Variants in RFC3 observed in about 807,000 individuals in gnomAD.
RFC3 encodes A1 38 kDa subunit.
Under a neutral mutation model 45.1 loss-of-function variants are expected in RFC3, and 41 were observed. The observed-to-expected ratio is 0.91, with a 90% CI of 0.71 to 1.18. The LOEUF (loss-of-function observed/expected upper bound fraction) is 1.18, where lower values mean the gene tolerates loss of function less well. Among genes scored for constraint, RFC3 ranks in the 50% most tolerant of loss-of-function variants. The pLI, the probability that RFC3 is intolerant of heterozygous loss-of-function variation, is 0.00. For synonymous variants in RFC3, 149 were observed against 144.0 expected (o/e 1.03, Z -0.25); for missense variants, 423 against 428.1 (o/e 0.99, Z 0.10).
chr13:33,830,059 A>T, intron 5 of RFC3, 42 bp downstream of exon 5: 2 of 1,528,578 alleles, frequency 1.3e-6, no homozygotes, highest in South Asian at 2.3e-5. Context: ...ATCAGTTCAG[A>T]TTCTCTGAAT....
intron 8 of RFC3, among the ~76,000 whole-genome samples, chr13:33,924,993 A>G (rs2082794439): frequency 6.7e-6 from 1 of 150,188 alleles, no homozygotes; most frequent in East Asian, 2.0e-4. Flanking sequence ...AAATGTGTTA[A>G]CTAACTTAAT....
the RFC3 span, among the ~76,000 whole-genome samples, chr13:33,972,360 G>A: frequency 6.6e-6 from 1 of 152,024 alleles, no homozygotes. Context: ...GCCCTGGGTT[G>A]GTGCTGAAAT....
intron 5 of RFC3, 94 bp downstream of exon 5, chr13:33,830,111 T>C: frequency 8.9e-7 from 1 of 1,123,866 alleles, no homozygotes; most frequent in East Asian, 2.4e-5. Context: ...TATCAGTAAT[T>C]TAAGAACACC....
intron 5 of RFC3, among the ~76,000 whole-genome samples, 185 bp downstream of exon 5, chr13:33,830,202 G>T (rs2082089302): frequency 6.6e-6 from 1 of 152,288 alleles, no homozygotes; most frequent in African/African-American, 2.4e-5. Flanking sequence ...TATATAGAAA[G>T]TGTTTTTCCC....
chr13:33,834,163 T>C (rs1354699552), intron 7 of RFC3, among the ~76,000 whole-genome samples: 1 of 150,576 alleles, frequency 6.6e-6, no homozygotes, highest in East Asian at 2.0e-4. Context: ...TCTTTTTTTT[T>C]TTCCCCCACT....
intron 8 of RFC3, among the ~76,000 whole-genome samples, chr13:33,902,237 C>T (rs2082646061): frequency 6.6e-6 from 1 of 152,062 alleles, no homozygotes; most frequent in African/African-American, 2.4e-5. Flanking sequence ...AAGCATAACG[C>T]TGACCCTATC....
At chr13:33,899,699 A>G (rs1196667491) in intron 8 of RFC3, among the ~76,000 whole-genome samples, 1 of 151,934 alleles carries the variant, frequency 6.6e-6, no homozygotes, top group Non-Finnish European at 1.5e-5. Context: ...GACAAGAGAA[A>G]AAAATAAAGA....
the RFC3 span, among the ~76,000 whole-genome samples, chr13:33,972,334 A>G: frequency 1.3e-5 from 2 of 152,058 alleles, no homozygotes; most frequent in East Asian, 1.9e-4. Flanking sequence ...CTCTGGGCCC[A>G]CAACCTCCAC....
rs114969957 is a variant in RFC3 at position 33,873,142 on chromosome 13, C to G, written c.879+37925C>G. 5.1e-3 allele frequency among the ~76,000 whole-genome samples: 773 copies of G among 152,274 alleles called. 6 individuals are homozygous for G. Among genetic ancestry groups the G allele is most frequent in the African/African-American group, 0.017 (687 of 41,546 alleles). The stretch of plus-strand genomic sequence containing the variant: ...CAATCCAATGTCTCAGTGACCAACT[C>G]TACACCTCCAGGCTTATATACAATG... On this transcript the variant is annotated intron_variant, in intron 8 of 8. Coordinates refer to the RFC3 transcript ENST00000434425.
chr13:33,905,034 G>T (rs1243187350), intron 8 of RFC3, among the ~76,000 whole-genome samples: 1 of 152,092 alleles, frequency 6.6e-6, no homozygotes, highest in Non-Finnish European at 1.5e-5. Flanking sequence ...GACCAGAGAG[G>T]GATATATCAG....
intron 8 of RFC3, among the ~76,000 whole-genome samples, chr13:33,876,122 T>C (rs1316756141): frequency 6.6e-6 from 1 of 152,088 alleles, no homozygotes; most frequent in Non-Finnish European, 1.5e-5. Flanking sequence ...TATTTTATTG[T>C]ATTATTTCAG....
At chr13:33,891,815 A>G (rs2082565081) in intron 8 of RFC3, among the ~76,000 whole-genome samples, 1 of 152,200 alleles carries the variant, frequency 6.6e-6, no homozygotes, top group Non-Finnish European at 1.5e-5. Flanking sequence ...TCAAGAATAT[A>G]TATATATTTG....
chr13:33,942,372 C>T (rs916054371), intron 8 of RFC3, among the ~76,000 whole-genome samples: 1 of 152,054 alleles, frequency 6.6e-6, no homozygotes, highest in African/African-American at 2.4e-5. Context: ...TTACGGGGTA[C>T]ATGCGATGCT....
At chr13:33,879,804 AC>A (rs2137592224) in intron 8 of RFC3, among the ~76,000 whole-genome samples, 1 of 152,302 alleles carries the variant, frequency 6.6e-6, no homozygotes, top group African/African-American at 2.4e-5. Flanking sequence ...TTGAGCTAAA[AC>A]CAAGGTGTTG....
chr13:33,924,727 GTA>G (rs36101784), intron 8 of RFC3, among the ~76,000 whole-genome samples: 1,618 of 89,088 alleles, frequency 0.018, 20 homozygotes, highest in African/African-American at 0.082. Context: ...GTGTGTGTGT[GTA>G]TATATATATA....
intron 8 of RFC3, among the ~76,000 whole-genome samples, chr13:33,869,189 C>G (rs776838089): frequency 6.6e-6 from 1 of 152,180 alleles, no homozygotes; most frequent in Non-Finnish European, 1.5e-5. Flanking sequence ...AGCCTGGATT[C>G]TCTGGCCTTT....
intron 8 of RFC3, among the ~76,000 whole-genome samples, chr13:33,901,223 G>C (rs554103550): frequency 1.2e-4 from 18 of 152,110 alleles, no homozygotes; most frequent in African/African-American, 4.1e-4. Context: ...TCAACATTTT[G>C]AGGAAATGTC....
chr13:33,946,673 G>A (rs1285897637), intron 8 of RFC3, among the ~76,000 whole-genome samples: 1 of 152,142 alleles, frequency 6.6e-6, no homozygotes, highest in Non-Finnish European at 1.5e-5. Flanking sequence ...TGCACATGCA[G>A]TTCATAAAAT....
At chr13:33,882,368 T>C (rs1427738643) in intron 8 of RFC3, among the ~76,000 whole-genome samples, 1 of 152,244 alleles carries the variant, frequency 6.6e-6, no homozygotes, top group Non-Finnish European at 1.5e-5. Flanking sequence ...ATAACTGCTA[T>C]GGACTGAATG....
Sources: allele counts gnomAD v4.1 joint callset (sites outside exome capture counted in the v4.1 genomes callset), GRCh38; gene constraint gnomAD v4.1.1; transcripts MANE v1.5; gene names NCBI Gene and HGNC (gene_info 2026-07-23, HGNC 2026-07-21).